COL25A1: variants seen among roughly 807,000 people sequenced by gnomAD.
COL25A1 encodes collagen type XXV alpha 1 chain, also known as collagen alpha-1(XXV) chain.
A neutral mutation model predicts 128.4 loss-of-function variants in COL25A1; 103 were observed. That is an observed-to-expected ratio of 0.80 (90% CI 0.68 to 0.94). The LOEUF (loss-of-function observed/expected upper bound fraction) is 0.94. Ranked by LOEUF, COL25A1 falls within the 40% of genes least tolerant of loss-of-function variation. The pLI is 0.00. For synonymous variants in COL25A1, 279 were observed against 277.2 expected (o/e 1.01, Z -0.06); for missense variants, 745 against 840.0 (o/e 0.89, Z 1.40).
chr4:108,938,131 A>G (rs1280341194), intron 10 of COL25A1, among the ~76,000 whole-genome samples: 1 of 152,212 alleles, frequency 6.6e-6, no homozygotes, highest in African/African-American at 2.4e-5. Context: ...CATAGGACAG[A>G]GAGACAATTG....
At chr4:108,866,341 C>A (rs773364209) in intron 20 of COL25A1, among the ~76,000 whole-genome samples, 4 of 152,044 alleles carry the variant, frequency 2.6e-5, no homozygotes, top group South Asian at 2.1e-4. Flanking sequence ...TACAGGCATG[C>A]GCCGCCATGC....
chr4:109,004,078 A>G (rs1437668804), intron 6 of COL25A1, among the ~76,000 whole-genome samples: 2 of 151,878 alleles, frequency 1.3e-5, no homozygotes, highest in Non-Finnish European at 2.9e-5. Context: ...TTTCATTCTA[A>G]TACCCTTTCA....
chr4:109,058,433 A>T (rs559381733), intron 3 of COL25A1, among the ~76,000 whole-genome samples: 1 of 152,320 alleles, frequency 6.6e-6, no homozygotes, highest in South Asian at 2.1e-4. Flanking sequence ...AACAGTTTCC[A>T]AGCTTGCAGA....
intron 3 of COL25A1, among the ~76,000 whole-genome samples, chr4:109,134,284 A>C (rs1230486816): frequency 6.6e-6 from 1 of 152,002 alleles, no homozygotes; most frequent in Non-Finnish European, 1.5e-5. Flanking sequence ...TGCTCTGGCA[A>C]CTATGTAGAA....
intron 24 of COL25A1, among the ~76,000 whole-genome samples, chr4:108,858,814 A>G (rs3948017): frequency 1 from 152,075 of 152,122 alleles, 76,014 homozygotes; most frequent in Non-Finnish European, 1. Flanking sequence ...CGCCAGAGAA[A>G]AAAAATGGAA....
At chr4:109,213,604 TGTAA>T (rs1402220776) in intron 3 of COL25A1, among the ~76,000 whole-genome samples, 1 of 152,156 alleles carries the variant, frequency 6.6e-6, no homozygotes, top group African/African-American at 2.4e-5. Flanking sequence ...TTACCAGCCA[TGTAA>T]GTGAGTCATC....
chr4:109,142,807 C>T (rs1243937735), intron 3 of COL25A1, among the ~76,000 whole-genome samples: 1 of 151,996 alleles, frequency 6.6e-6, no homozygotes, highest in African/African-American at 2.4e-5. Flanking sequence ...TGTGTCTTTG[C>T]AAATGAGATG....
intron 3 of COL25A1, among the ~76,000 whole-genome samples, chr4:109,251,897 C>T (rs1560931909): frequency 6.6e-6 from 1 of 152,214 alleles, no homozygotes; most frequent in Non-Finnish European, 1.5e-5. Flanking sequence ...CTTGCCTCAG[C>T]CTTGCAAGGT....
intron 26 of COL25A1, among the ~76,000 whole-genome samples, chr4:108,850,323 G>A (rs10031490): frequency 0.9 from 136,960 of 152,164 alleles, 61,736 homozygotes; most frequent in East Asian, 1. Context: ...AAGGGGTTCT[G>A]TACTTGACTC....
intron 6 of COL25A1, among the ~76,000 whole-genome samples, chr4:108,992,635 A>T (rs1754332846): frequency 6.6e-6 from 1 of 152,178 alleles, no homozygotes; most frequent in African/African-American, 2.4e-5. Flanking sequence ...TTCACCAAAG[A>T]TTAAATATCA....
At position 109,121,707 on chromosome 4, in the gene COL25A1, A is replaced by C. The variant is rs372654761; in HGVS notation, c.368-71528T>G. Among the ~76,000 whole-genome samples the C allele has an allele frequency of 4.6e-5, 7 of 152,256 alleles. No individual in the cohort carries two copies. In the East Asian group the frequency reaches 7.7e-4, roughly 17 times the overall value. On this transcript the variant is annotated intron_variant, in intron 3 of 37. Coordinates refer to ENST00000399132, the MANE Select transcript of COL25A1 (RefSeq NM_198721.4). ...AAATGATACAGCCACTTTGGAAGAA[A>C]GTTTGGCAGTTTCTTACAAAATGAA...
At chr4:108,972,919 A>G (rs1250492573) in intron 8 of COL25A1, among the ~76,000 whole-genome samples, 1 of 152,168 alleles carries the variant, frequency 6.6e-6, no homozygotes, top group Non-Finnish European at 1.5e-5. Flanking sequence ...TAGCTTTATA[A>G]TCAATCATCA....
intron 3 of COL25A1, among the ~76,000 whole-genome samples, chr4:109,085,210 A>G (rs1764244352): frequency 6.6e-6 from 1 of 152,090 alleles, no homozygotes; most frequent in African/African-American, 2.4e-5. Context: ...CCTGCATCTA[A>G]AGAGTCCGCT....
At chr4:109,160,615 C>T (rs1279388728) in intron 3 of COL25A1, among the ~76,000 whole-genome samples, 2 of 152,126 alleles carry the variant, frequency 1.3e-5, no homozygotes, top group Non-Finnish European at 2.9e-5. Context: ...TCCATCTGCA[C>T]AATTTAGCAT....
chr4:109,124,106 A>G (rs1301584871), intron 3 of COL25A1, among the ~76,000 whole-genome samples: 1 of 152,134 alleles, frequency 6.6e-6, no homozygotes, highest in Admixed American at 6.6e-5. Flanking sequence ...TTATTTTACT[A>G]TTCTGTTTCA....
At chr4:108,875,879 G>A (rs983412303) in intron 19 of COL25A1, among the ~76,000 whole-genome samples, 5 of 152,218 alleles carry the variant, frequency 3.3e-5, no homozygotes, top group South Asian at 2.1e-4. Context: ...ATACTATGCC[G>A]CCATAAAAAA....
intron 13 of COL25A1, among the ~76,000 whole-genome samples, chr4:108,914,496 T>C (rs1373227385): frequency 6.6e-6 from 1 of 152,090 alleles, no homozygotes; most frequent in East Asian, 1.9e-4. Context: ...CTTTAAGAGC[T>C]GGGGACCTTA....
chr4:109,233,060 A>C (rs777828349), intron 3 of COL25A1, among the ~76,000 whole-genome samples: 38 of 152,132 alleles, frequency 2.5e-4, no homozygotes, highest in Non-Finnish European at 3.5e-4. Flanking sequence ...GTTACTTATG[A>C]ATTCTTCTTT....
At chr4:109,050,386 CATG>C (rs946909562) in intron 3 of COL25A1, among the ~76,000 whole-genome samples, 1 of 152,088 alleles carries the variant, frequency 6.6e-6, no homozygotes, top group Non-Finnish European at 1.5e-5. Context: ...ACTCTAGATA[CATG>C]ATCATCTAGT....
Sources: gnomAD v4.1 joint callset for allele counts (sites outside exome capture counted in the v4.1 genomes callset) on GRCh38, gnomAD v4.1.1 for gene constraint, MANE v1.5 for transcripts, NCBI Gene and HGNC (gene_info 2026-07-23, HGNC 2026-07-21) for gene names.